The following OTOGL variants were observed in gnomAD, a reference collection of about 807,000 sequenced individuals.
The protein encoded by OTOGL is otogelin like, also known as otogelin-like protein.
A neutral mutation model predicts 318.5 loss-of-function variants in OTOGL; 285 were observed. The ratio of observed to expected loss-of-function variants is 0.89; its 90% CI spans 0.81 to 0.99. OTOGL has a LOEUF of 0.99. Ranked by LOEUF, OTOGL falls within the 50% of genes least tolerant of loss-of-function variation. OTOGL has a pLI of 0.00. For synonymous variants in OTOGL, 987 were observed against 936.5 expected, an observed-to-expected ratio of 1.05 and a Z score of -0.99; for missense variants, 2,899 against 2,845.6, an observed-to-expected ratio of 1.02 and a Z score of -0.43.
In OTOGL at chr12:80,352,419, G is replaced by A. The variant is rs1436542681; in HGVS notation, c.5390G>A (p.Arg1797Lys). The A allele has an allele frequency of 3.7e-6, 6 of 1,603,246 alleles. No homozygotes were observed. In the South Asian group the frequency reaches 5.6e-5, roughly 15 times the overall value. Residue 1797 changes from arginine to lysine, a missense_variant, in exon 45 of 59, where the codon AGA becomes AAA. Transcript: ENST00000547103. ...AAGTTTGATATCTGTATTCAGTGGA[G>A]AACACCTGATTACTGCTGTGAGTAA... ...CNKFDICIQW[R>K]TPDYCSLSCP...
At chr12:80,367,517 A>T in intron 53 of OTOGL, 44 bp from the exon 54 acceptor site, 2 of 1,382,568 alleles carry the variant, frequency 1.4e-6, no homozygotes, top group Non-Finnish European at 1.9e-6. Flanking sequence ...TTAGTACAAA[A>T]CTCAACAGTA....
intron 1 of OTOGL, among the ~76,000 whole-genome samples, chr12:80,112,708 TC>T (rs1323903910): frequency 0.025 from 3,677 of 146,174 alleles, 204 homozygotes; most frequent in African/African-American, 0.083. Context: ...AAATTTTCTT[TC>T]TTTTTTTTTT....
At chr12:80,303,770 C>A (rs898713911) in intron 28 of OTOGL, among the ~76,000 whole-genome samples, 2 of 152,178 alleles carry the variant, frequency 1.3e-5, no homozygotes, top group Admixed American at 1.3e-4. Flanking sequence ...CTCACTATCA[C>A]AAGAACAGCT....
intron 11 of OTOGL, among the ~76,000 whole-genome samples, chr12:80,249,843 G>A (rs573644535): frequency 1.3e-5 from 2 of 152,252 alleles, no homozygotes; most frequent in Admixed American, 6.5e-5. Flanking sequence ...ACCCTCCGAG[G>A]CAGGTGTGGG....
intron 32 of OTOGL, among the ~76,000 whole-genome samples, chr12:80,316,241 A>C (rs916941941): frequency 2.0e-5 from 3 of 152,204 alleles, no homozygotes; most frequent in South Asian, 2.1e-4. Flanking sequence ...TGATCACCGC[A>C]CATTGTCATC....
At chr12:80,326,868 A>G (rs1312081399) in intron 35 of OTOGL, among the ~76,000 whole-genome samples, 2 of 152,226 alleles carry the variant, frequency 1.3e-5, no homozygotes, top group African/African-American at 4.8e-5. Context: ...TTTGCCTCCA[A>G]GAACAAGGGT....
chr12:80,123,372 T>C (rs920507203), intron 1 of OTOGL, among the ~76,000 whole-genome samples: 1 of 152,202 alleles, frequency 6.6e-6, no homozygotes, highest in Non-Finnish European at 1.5e-5. Context: ...CTCATCATTT[T>C]TTAAGGCTGT....
chr12:80,376,428 G>C (rs1340804208), intron 57 of OTOGL, among the ~76,000 whole-genome samples: 1 of 152,138 alleles, frequency 6.6e-6, no homozygotes, highest in Non-Finnish European at 1.5e-5. Context: ...TCTTGATTCA[G>C]GGATTACATC....
At chr12:80,296,217 A>G (rs7309085) in intron 26 of OTOGL, among the ~76,000 whole-genome samples, 151,443 of 152,350 alleles carry the variant, frequency 0.99, 75,281 homozygotes, top group Middle Eastern at 1. Flanking sequence ...CTCTTAATTA[A>G]CAAAGCGACC....
intron 1 of OTOGL, among the ~76,000 whole-genome samples, chr12:80,145,361 T>G (rs1872272360): frequency 1.3e-5 from 2 of 152,160 alleles, no homozygotes. Context: ...AAAGATCAGA[T>G]AGTTGTAGAT....
chr12:80,337,991 C>G (rs1483363523), intron 42 of OTOGL, among the ~76,000 whole-genome samples: 1 of 151,896 alleles, frequency 6.6e-6, no homozygotes, highest in East Asian at 1.9e-4. Flanking sequence ...GGTGGAAGGA[C>G]TTATTTTTGG....
intron 44 of OTOGL, among the ~76,000 whole-genome samples, chr12:80,342,595 T>C (rs1888852791): frequency 6.6e-6 from 1 of 152,210 alleles, no homozygotes; most frequent in South Asian, 2.1e-4. Flanking sequence ...TTTCTGAGTT[T>C]AAGTGATTAG....
intron 1 of OTOGL, among the ~76,000 whole-genome samples, chr12:80,205,173 T>G (rs1876727329): frequency 1.3e-5 from 2 of 152,200 alleles, no homozygotes; most frequent in South Asian, 2.1e-4. Flanking sequence ...TGGTATTAAA[T>G]AGTGCCTTAC....
chr12:80,125,039 C>T (rs1160252489), intron 1 of OTOGL, among the ~76,000 whole-genome samples: 1 of 152,194 alleles, frequency 6.6e-6, no homozygotes, highest in Non-Finnish European at 1.5e-5. Context: ...TTCCCTTCTC[C>T]TGCCTAATGG....
intron 24 of OTOGL, among the ~76,000 whole-genome samples, chr12:80,277,668 A>G (rs1227108719): frequency 1.3e-5 from 2 of 151,606 alleles, no homozygotes; most frequent in East Asian, 1.9e-4. Flanking sequence ...TTTTAGTTCC[A>G]CACACACCTA....
At chr12:80,225,506 C>A (rs972977456) in intron 7 of OTOGL, among the ~76,000 whole-genome samples, 1 of 152,162 alleles carries the variant, frequency 6.6e-6, no homozygotes, top group Admixed American at 6.5e-5. Context: ...CAGTTCATTT[C>A]TTTTGTAGAA....
Position 80,144,511 on chromosome 12 carries a change from A to C in OTOGL, c.-20+44906A>C, listed in dbSNP as rs531634526. On this transcript the variant is annotated intron_variant, in intron 1 of 58. Transcript: ENST00000547103. ...TGCTATTGTGAATAGTGCCGCAATA[A>C]ACATACGTGTGCATGTGTCTTTATA... is the stretch of plus-strand genomic sequence containing the variant. Among the ~76,000 whole-genome samples, 21 of 149,360 alleles carry C rather than the reference A, an allele frequency of 1.4e-4. No individual in the cohort carries two copies. The East Asian group carries it at 3.9e-3, about 28-fold the overall frequency.
At chr12:80,312,177 A>T (rs1321728126) in intron 30 of OTOGL, among the ~76,000 whole-genome samples, 1 of 152,234 alleles carries the variant, frequency 6.6e-6, no homozygotes, top group Non-Finnish European at 1.5e-5. Flanking sequence ...AAAAGATATT[A>T]AAGTACTCCT....
intron 7 of OTOGL, among the ~76,000 whole-genome samples, chr12:80,226,354 A>T (rs866447783): frequency 6.6e-6 from 1 of 152,054 alleles, no homozygotes; most frequent in Non-Finnish European, 1.5e-5. Context: ...TTCTGTCTCT[A>T]CTTGTATATT....
Sources: allele counts gnomAD v4.1 joint callset (sites outside exome capture counted in the v4.1 genomes callset), GRCh38; gene constraint gnomAD v4.1.1; transcripts MANE v1.5; gene names NCBI Gene and HGNC (gene_info 2026-07-23, HGNC 2026-07-21).